The following MACROD2 variants were observed in gnomAD, a reference collection of about 807,000 sequenced individuals.
MACROD2 encodes the protein mono-ADP ribosylhydrolase 2.
A neutral mutation model predicts 70.4 loss-of-function variants in MACROD2; 36 were observed. The observed-to-expected ratio is 0.51, with a 90% confidence interval of 0.39 to 0.68. MACROD2 has a LOEUF of 0.68. Among genes scored for constraint, MACROD2 ranks in the 30% least tolerant of loss-of-function variants. The probability of loss-of-function intolerance (pLI) is 0.00; values close to 1 mark genes in which losing one functional copy is unlikely to be tolerated. For missense variants in MACROD2, 496 were observed against 538.4 expected (o/e 0.92, Z 0.78); for synonymous variants, 172 against 178.8 (o/e 0.96, Z 0.30).
chr20:15,072,215 G>T (rs554789421), intron 5 of MACROD2, among the ~76,000 whole-genome samples: 7 of 152,172 alleles, frequency 4.6e-5, no homozygotes, highest in African/African-American at 1.7e-4. Flanking sequence ...TGATTCCTTT[G>T]TTGACAAATA....
In MACROD2 at chr20:15,104,114, C is replaced by T. The variant is rs1431010454; in HGVS notation, c.419-125826C>T. ...AGAGAAAGTCAAGTGTTAAAGAAGG[C>T]AATGTAAAGAATCAAAGATGAGCCC... On this transcript the variant is annotated intron_variant, in intron 5 of 17. Transcript: ENST00000684519. Among the ~76,000 whole-genome samples the T allele has an allele frequency of 2.6e-5, 4 of 152,100 alleles. No individual in the cohort carries two copies. The East Asian group carries it at 5.8e-4, about 22-fold the overall frequency.
chr20:15,907,229 T>C (rs1161721281), intron 10 of MACROD2, among the ~76,000 whole-genome samples: 31 of 152,214 alleles, frequency 2.0e-4, no homozygotes. Context: ...ATTTGAGATA[T>C]GTTATTTAAA....
intron 8 of MACROD2, among the ~76,000 whole-genome samples, chr20:15,799,360 AAT>A (rs2063703206): frequency 6.6e-6 from 1 of 152,164 alleles, no homozygotes; most frequent in Admixed American, 6.5e-5. Context: ...GAGTTATTCT[AAT>A]GAGCTATCAA....
chr20:14,063,998 A>T (rs918473146), intron 2 of MACROD2, among the ~76,000 whole-genome samples: 13 of 152,182 alleles, frequency 8.5e-5, no homozygotes, highest in Admixed American at 3.3e-4. Flanking sequence ...AAGTCTTGGA[A>T]TTATACGCAA....
chr20:14,226,395 C>T (rs962972723), intron 3 of MACROD2, among the ~76,000 whole-genome samples: 10 of 152,226 alleles, frequency 6.6e-5, no homozygotes, highest in East Asian at 1.9e-4. Context: ...TCTGCCTGGG[C>T]TCCCACTTTG....
At chr20:14,523,068 A>T (rs1474060059) in intron 4 of MACROD2, among the ~76,000 whole-genome samples, 2 of 152,206 alleles carry the variant, frequency 1.3e-5, no homozygotes, top group Admixed American at 6.5e-5. Flanking sequence ...GGCTTTGAGT[A>T]GCATTGTAGA....
At position 14,219,640 on chromosome 20, in the gene MACROD2, T is replaced by G. The variant is rs2122162297; in HGVS notation, c.271+133912T>G. On this transcript the variant is annotated intron_variant, in intron 3 of 17. Coordinates refer to ENST00000684519, the MANE Select transcript of MACROD2 (RefSeq NM_001351661.2). ...TTACCAGGGTTGGTTTTCTGGTGCC[T>G]TCTCATTTGGGTAGGCTCTGTCAGA... 2.0e-5 allele frequency among the ~76,000 whole-genome samples: 3 copies of G among 152,334 alleles called. No individual in the cohort carries two copies. The South Asian group carries it at 6.2e-4, about 32-fold the overall frequency.
chr20:15,403,489 TGTTA>T (rs2045958286), intron 6 of MACROD2, among the ~76,000 whole-genome samples: 1 of 152,136 alleles, frequency 6.6e-6, no homozygotes, highest in African/African-American at 2.4e-5. Flanking sequence ...CAGCAGACAC[TGTTA>T]GTTTTCTGTG....
At chr20:15,539,363 C>T (rs183329915) in intron 8 of MACROD2, among the ~76,000 whole-genome samples, 48 of 152,290 alleles carry the variant, frequency 3.2e-4, no homozygotes, top group South Asian at 2.5e-3. Flanking sequence ...CACAAATGAA[C>T]GCAGAATTAT....
chr20:15,835,199 T>C (rs1225850115), intron 8 of MACROD2, among the ~76,000 whole-genome samples: 1 of 152,226 alleles, frequency 6.6e-6, no homozygotes, highest in African/African-American at 2.4e-5. Flanking sequence ...GACTAAAACC[T>C]GTTAGCCAAG....
At chr20:15,969,134 C>T (rs1601239244) in intron 13 of MACROD2, among the ~76,000 whole-genome samples, 4 of 152,144 alleles carry the variant, frequency 2.6e-5, no homozygotes, top group East Asian at 1.9e-4. Flanking sequence ...CGGTGGACTG[C>T]TTCCCAGCTT....
chr20:14,678,857 A>G (rs1282935846), intron 4 of MACROD2, among the ~76,000 whole-genome samples: 5 of 152,008 alleles, frequency 3.3e-5, no homozygotes, highest in Admixed American at 1.3e-4. Context: ...TCATCACCAG[A>G]TTTGTGATGA....
At chr20:15,792,436 C>T (rs1296191815) in intron 8 of MACROD2, among the ~76,000 whole-genome samples, 2 of 151,732 alleles carry the variant, frequency 1.3e-5, no homozygotes, top group East Asian at 1.9e-4. Flanking sequence ...TGTGACAGGT[C>T]GAGACTAATT....
intron 8 of MACROD2, among the ~76,000 whole-genome samples, chr20:15,690,329 G>A (rs1368977928): frequency 1.3e-5 from 2 of 152,196 alleles, no homozygotes. Flanking sequence ...AAAAATCAAG[G>A]ATGATTCTTA....
At chr20:15,035,261 G>A (rs889529586) in intron 5 of MACROD2, among the ~76,000 whole-genome samples, 2 of 151,926 alleles carry the variant, frequency 1.3e-5, no homozygotes, top group East Asian at 1.9e-4. Flanking sequence ...ATAAATAACC[G>A]GATGTGGTGG....
At chr20:15,213,755 T>G (rs1161569384) in intron 5 of MACROD2, among the ~76,000 whole-genome samples, 1 of 152,116 alleles carries the variant, frequency 6.6e-6, no homozygotes, top group African/African-American at 2.4e-5. Flanking sequence ...AGAGGGGCCA[T>G]CTCTCAGATA....
At chr20:15,296,952 C>T (rs2077595142) in intron 6 of MACROD2, among the ~76,000 whole-genome samples, 1 of 152,112 alleles carries the variant, frequency 6.6e-6, no homozygotes, top group African/African-American at 2.4e-5. Flanking sequence ...TGAAGGTAGC[C>T]TCGGTTGGGG....
intron 2 of MACROD2, among the ~76,000 whole-genome samples, chr20:14,006,457 G>A (rs2052823021): frequency 1.3e-5 from 2 of 152,184 alleles, no homozygotes; most frequent in Admixed American, 6.5e-5. Context: ...ATATGCATAT[G>A]TATGTATCTC....
chr20:15,787,262 T>G (rs763075338), intron 8 of MACROD2, among the ~76,000 whole-genome samples: 4 of 152,136 alleles, frequency 2.6e-5, no homozygotes, highest in Non-Finnish European at 5.9e-5. Context: ...CGAAGAAACA[T>G]TTTCTACTGT....
Sources: gnomAD v4.1 joint callset for allele counts (sites outside exome capture counted in the v4.1 genomes callset) on GRCh38, gnomAD v4.1.1 for gene constraint, MANE v1.5 for transcripts, NCBI Gene and HGNC (gene_info 2026-07-23, HGNC 2026-07-21) for gene names.